SDK1: variants seen among roughly 807,000 people sequenced by gnomAD.
SDK1 encodes the protein protein sidekick-1.
A neutral mutation model predicts 245.5 loss-of-function variants in SDK1; 157 were observed. The ratio of observed to expected loss-of-function variants is 0.64; its 90% CI spans 0.56 to 0.73. The LOEUF (loss-of-function observed/expected upper bound fraction) is 0.73, where lower values mean the gene tolerates loss of function less well. SDK1 is among the 30% of genes least tolerant of loss of function. The probability of loss-of-function intolerance (pLI) is 0.00; values close to 1 mark genes in which losing one functional copy is unlikely to be tolerated. For missense variants in SDK1, 3,583 were observed against 3,002.3 expected (o/e 1.19, Z -4.52); for synonymous variants, 1,647 against 1,278.5 (o/e 1.29, Z -6.15).
chr7:3,476,208 T>C (rs1781344127), intron 1 of SDK1, among the ~76,000 whole-genome samples: 1 of 152,248 alleles, frequency 6.6e-6, no homozygotes, highest in Non-Finnish European at 1.5e-5. Flanking sequence ...TCCTGTGCTC[T>C]TACTCTTCTG....
intron 4 of SDK1, among the ~76,000 whole-genome samples, chr7:3,672,759 T>TTATATATAATTTTATATATATATATATA (rs1783748270): frequency 2.0e-5 from 1 of 50,740 alleles, no homozygotes; most frequent in Non-Finnish European, 3.5e-5. Flanking sequence ...ATATATAATT[T>TTATATATAATTTTATATATATATATATA]TATATATATA....
intron 1 of SDK1, among the ~76,000 whole-genome samples, chr7:3,577,296 T>A (rs2128631464): frequency 6.6e-6 from 1 of 152,222 alleles, no homozygotes; most frequent in East Asian, 1.9e-4. Context: ...TGAGATTGGT[T>A]CTGTTATTTA....
At chr7:3,619,492 A>G (rs1196849777) in intron 2 of SDK1, among the ~76,000 whole-genome samples, 1 of 152,208 alleles carries the variant, frequency 6.6e-6, no homozygotes, top group Non-Finnish European at 1.5e-5. Flanking sequence ...GTCAACAAAA[A>G]CCTATGGTTA....
At chr7:3,666,524 C>G (rs187509580) in intron 4 of SDK1, among the ~76,000 whole-genome samples, 2 of 152,320 alleles carry the variant, frequency 1.3e-5, no homozygotes, top group East Asian at 3.9e-4. Flanking sequence ...TCCCTGGGGT[C>G]TGGCGACACC....
At chr7:3,402,785 A>C (rs539183988) in intron 1 of SDK1, among the ~76,000 whole-genome samples, 7 of 152,220 alleles carry the variant, frequency 4.6e-5, no homozygotes, top group Non-Finnish European at 1.0e-4. Flanking sequence ...AGTTAATATA[A>C]ACTTTATTCT....
intron 24 of SDK1, among the ~76,000 whole-genome samples, chr7:4,113,794 G>A (rs1226587225): frequency 6.6e-6 from 1 of 152,200 alleles, no homozygotes; most frequent in African/African-American, 2.4e-5. Flanking sequence ...CAGAACATTT[G>A]CCCACAAAAT....
chr7:3,985,754 A>T (rs771265711), intron 13 of SDK1, among the ~76,000 whole-genome samples: 4 of 152,266 alleles, frequency 2.6e-5, no homozygotes, highest in Admixed American at 6.5e-5. Flanking sequence ...ATGTAGTTGC[A>T]GTCTACATTA....
intron 5 of SDK1, among the ~76,000 whole-genome samples, chr7:3,948,872 A>G (rs1294651968): frequency 2.0e-5 from 3 of 152,330 alleles, no homozygotes; most frequent in Admixed American, 6.5e-5. Context: ...TTAATGCCAA[A>G]TTAGCACCCT....
rs78063473 is a variant in SDK1 at position 3,605,007 on chromosome 7, A to G, written c.299-14073A>G. Among the ~76,000 whole-genome samples the G allele has an allele frequency of 3.2e-3, 480 of 151,636 alleles. 4 individuals carry two copies. Among genetic ancestry groups the G allele is most frequent in the African/African-American group, 0.011 (465 of 41,372 alleles). On this transcript the variant is annotated intron_variant, in intron 1 of 44. Transcript: ENST00000404826. ...CTTTTGGTTTTTGTTTTCTAGTTTTATTCTGTTAATACTATGGCCAGAGGA... is the reference window on the plus strand; with the variant it reads ...CTTTTGGTTTTTGTTTTCTAGTTTTGTTCTGTTAATACTATGGCCAGAGGA...
At chr7:4,262,238 G>A (rs900583840) in intron 44 of SDK1, among the ~76,000 whole-genome samples, 12 of 151,188 alleles carry the variant, frequency 7.9e-5, no homozygotes, top group African/African-American at 1.2e-4. Context: ...AGGTTTCACC[G>A]TGTTGGACAG....
intron 17 of SDK1, among the ~76,000 whole-genome samples, chr7:4,043,724 A>G (rs1788811920): frequency 1.3e-5 from 2 of 152,050 alleles, no homozygotes; most frequent in Admixed American, 1.3e-4. Context: ...AAATTATGCA[A>G]ATTTTTTTGT....
chr7:4,244,721 G>C (rs1269656402), intron 43 of SDK1, among the ~76,000 whole-genome samples: 6 of 151,772 alleles, frequency 4.0e-5, no homozygotes, highest in Admixed American at 3.9e-4. Context: ...GTGTAGATGG[G>C]CTGTGTTCTC....
chr7:3,848,387 C>T (rs58462438), intron 5 of SDK1, among the ~76,000 whole-genome samples: 2 of 152,154 alleles, frequency 1.3e-5, no homozygotes, highest in South Asian at 2.1e-4. Context: ...GTCTTCCTTA[C>T]GTCCTTCAGA....
rs562927578 is a variant in SDK1, at chr7:3,926,279, G to C, written c.848-24644G>C. Among the ~76,000 whole-genome samples, 736 of 152,256 alleles carry C rather than the reference G, an allele frequency of 4.8e-3. 7 individuals carry two copies. Among genetic ancestry groups the C allele is most frequent in the African/African-American group, 0.017 (705 of 41,536 alleles). On this transcript the variant is annotated intron_variant, in intron 5 of 44. Transcript: ENST00000404826. The stretch of plus-strand genomic sequence containing the variant: ...AGCCAGAAGGAATGAAATCACTGGG[G>C]CTGTCATGAGCAATGAAAATGACAA...
intron 1 of SDK1, among the ~76,000 whole-genome samples, chr7:3,429,924 A>G (rs1303105973): frequency 6.6e-6 from 1 of 152,206 alleles, no homozygotes; most frequent in Admixed American, 6.5e-5. Context: ...AGAGATGTGC[A>G]TGTAAAATAG....
chr7:3,614,835 CT>C (rs755746348), intron 1 of SDK1, among the ~76,000 whole-genome samples: 1 of 143,932 alleles, frequency 6.9e-6, no homozygotes, highest in East Asian at 1.9e-4. Context: ...ATGTTAGTGT[CT>C]GTGCTAACCA....
intron 1 of SDK1, among the ~76,000 whole-genome samples, chr7:3,467,029 C>CACACAG (rs1288513856): frequency 2.7e-3 from 368 of 137,556 alleles, no homozygotes; most frequent in Admixed American, 4.4e-3. Context: ...CACACACACA[C>CACACAG]AGAGATGTAA....
At chr7:3,422,116 T>C (rs915403869) in intron 1 of SDK1, among the ~76,000 whole-genome samples, 11 of 152,126 alleles carry the variant, frequency 7.2e-5, no homozygotes, top group African/African-American at 2.4e-4. Flanking sequence ...TATAATGAGA[T>C]TTCTGAATGT....
chr7:3,347,369 C>G (rs1780536691), intron 1 of SDK1, among the ~76,000 whole-genome samples: 1 of 151,972 alleles, frequency 6.6e-6, no homozygotes, highest in Admixed American at 6.6e-5. Context: ...ATGTTGGATA[C>G]CAGTTGGAGA....
Sources: allele counts gnomAD v4.1 joint callset (sites outside exome capture counted in the v4.1 genomes callset), GRCh38; gene constraint gnomAD v4.1.1; transcripts MANE v1.5; gene names NCBI Gene and HGNC (gene_info 2026-07-23, HGNC 2026-07-21).